OXR1: variants seen among roughly 807,000 people sequenced by gnomAD.
OXR1 encodes the protein oxidation resistance 1.
OXR1 carries 41 observed loss-of-function variants against 104.6 expected under a neutral mutation model. The ratio of observed to expected loss-of-function variants is 0.39; its 90% CI spans 0.31 to 0.51. The LOEUF (loss-of-function observed/expected upper bound fraction) is 0.51. Among genes scored for constraint, OXR1 ranks in the 20% least tolerant of loss-of-function variants. OXR1 has a pLI of 0.77. For synonymous variants in OXR1, 348 were observed against 348.4 expected, an observed-to-expected ratio of 1.00 and a Z score of 0.01; for missense variants, 955 against 1,031.9, an observed-to-expected ratio of 0.93 and a Z score of 1.02.
At chr8:106,497,793 T>TGTGTGTGTGTGTGCACACGC (rs1017276544) in intron 2 of OXR1, among the ~76,000 whole-genome samples, 4 of 145,894 alleles carry the variant, frequency 2.7e-5, no homozygotes, top group African/African-American at 1.1e-4. Flanking sequence ...ACCATATGTG[T>TGTGTGTGTGTGTGCACACGC]GTGTGTGTGT....
At chr8:106,517,016 C>T (rs1244926809) in intron 2 of OXR1, among the ~76,000 whole-genome samples, 1 of 152,056 alleles carries the variant, frequency 6.6e-6, no homozygotes, top group Admixed American at 6.6e-5. Context: ...GAAGTGATTA[C>T]TGTATGGTAA....
chr8:106,722,455 A>T (rs1343843286), intron 11 of OXR1, among the ~76,000 whole-genome samples: 1 of 152,222 alleles, frequency 6.6e-6, no homozygotes, highest in Admixed American at 6.5e-5. Flanking sequence ...TTATTAGTTG[A>T]TAGGTACTGA....
intron 2 of OXR1, among the ~76,000 whole-genome samples, chr8:106,404,533 T>C (rs1360732197): frequency 6.6e-6 from 1 of 152,042 alleles, no homozygotes; most frequent in African/African-American, 2.4e-5. Flanking sequence ...AGAACACACA[T>C]AGAAGACGTT....
chr8:106,704,638 T>C (rs555284462), intron 8 of OXR1, among the ~76,000 whole-genome samples: 1 of 152,140 alleles, frequency 6.6e-6, no homozygotes, highest in South Asian at 2.1e-4. Flanking sequence ...CCTCAAGTGA[T>C]ACACTGGCGT....
At chr8:106,729,428 A>G (rs1322730225) in intron 11 of OXR1, among the ~76,000 whole-genome samples, 3 of 152,068 alleles carry the variant, frequency 2.0e-5, no homozygotes, top group Admixed American at 6.6e-5. Context: ...ATTTCTCATA[A>G]AATGTAAAGT....
At chr8:106,473,837 A>G (rs367855416) in intron 2 of OXR1, among the ~76,000 whole-genome samples, 2 of 149,056 alleles carry the variant, frequency 1.3e-5, no homozygotes, top group Non-Finnish European at 3.0e-5. Context: ...TTTCTTTCAT[A>G]TTCTGTCTAT....
intron 2 of OXR1, among the ~76,000 whole-genome samples, chr8:106,474,567 A>T (rs930233393): frequency 3.3e-5 from 5 of 151,916 alleles, no homozygotes; most frequent in Admixed American, 2.6e-4. Flanking sequence ...TTTGTGACAC[A>T]TGAAAACTAC....
intron 3 of OXR1, among the ~76,000 whole-genome samples, chr8:106,563,841 A>G (rs1428344207): frequency 1.3e-5 from 2 of 152,216 alleles, no homozygotes; most frequent in Non-Finnish European, 2.9e-5. Context: ...AACTCATTCA[A>G]AACCACACAA....
At chr8:106,516,247 C>T (rs1387796512) in intron 2 of OXR1, among the ~76,000 whole-genome samples, 4 of 152,170 alleles carry the variant, frequency 2.6e-5, no homozygotes, top group Non-Finnish European at 5.9e-5. Flanking sequence ...CCCTACTTGG[C>T]TGTCCCATAT....
chr8:106,646,726 A>C (rs576799270), intron 3 of OXR1, among the ~76,000 whole-genome samples: 1 of 152,356 alleles, frequency 6.6e-6, no homozygotes, highest in African/African-American at 2.4e-5. Flanking sequence ...CCTTCTGTAG[A>C]CACACACTCT....
At chr8:106,541,953 T>C (rs1041634431) in intron 3 of OXR1, among the ~76,000 whole-genome samples, 1 of 152,230 alleles carries the variant, frequency 6.6e-6, no homozygotes, top group African/African-American at 2.4e-5. Flanking sequence ...ATCTAACTTA[T>C]GTGTTTTTCA....
rs147771330 is a variant in OXR1, at chr8:106,344,384, C to G, written c.-138-15092C>G. On this transcript the variant is annotated intron_variant, in intron 1 of 16. Coordinates refer to ENST00000517566, the MANE Select transcript of OXR1 (RefSeq NM_001198533.2). ...ACGGTGTCTCGCTCTGTCACTCAAG[C>G]TGGAGAGCAGTGGCACAATCTCGGC... is the stretch of plus-strand genomic sequence containing the variant. 3.9e-3 allele frequency among the ~76,000 whole-genome samples: 599 copies of G among 152,320 alleles called. 5 individuals carry two copies. The highest frequency in any genetic ancestry group is 0.013 in the African/African-American group (554 of 41,550).
In OXR1 at chr8:106,307,010, T is replaced by C. The variant is rs181951122; in HGVS notation, c.-139+36643T>C. Among the ~76,000 whole-genome samples the C allele has an allele frequency of 5.3e-5, 8 of 152,316 alleles. No homozygotes were observed. The East Asian group carries it at 1.2e-3, about 22-fold the overall frequency. On this transcript the variant is annotated intron_variant, in intron 1 of 16. Coordinates refer to ENST00000517566, the MANE Select transcript of OXR1 (RefSeq NM_001198533.2). ...AACTAGAAGCACTTGTAGCTTCACC[T>C]TACCTAGCAGGAGAAGGGGATACCA...
chr8:106,485,649 T>G (rs1363384025), intron 2 of OXR1, among the ~76,000 whole-genome samples: 1 of 152,070 alleles, frequency 6.6e-6, no homozygotes, highest in Admixed American at 6.6e-5. Context: ...GAAATCAGTA[T>G]GTCAAAGAGA....
At chr8:106,518,840 C>A in intron 2 of OXR1, 103 bp from the exon 3 acceptor site, 1 of 745,416 alleles carries the variant, frequency 1.3e-6, no homozygotes, top group Non-Finnish European at 2.1e-6. Context: ...GTGGTTCTAT[C>A]TCAAGGTTAA....
In OXR1 at chr8:106,588,195, G is replaced by A. The variant is rs532494198; in HGVS notation, c.220+69056G>A. ...AGGATGGTCTCGATCTCCTGACCTC[G>A]TGATCCGCCCACCTCGGCCTCCCAA... On this transcript the variant is annotated intron_variant, in intron 3 of 16. Transcript: ENST00000517566. Among the ~76,000 whole-genome samples, 17 of 152,044 alleles carry A rather than the reference G, an allele frequency of 1.1e-4. 3 individuals are homozygous for A. The highest frequency in any genetic ancestry group is 9.8e-4 in the Admixed American group (15 of 15,262).
At chr8:106,397,202 G>A (rs1273878330) in intron 2 of OXR1, among the ~76,000 whole-genome samples, 3 of 151,992 alleles carry the variant, frequency 2.0e-5, no homozygotes, top group Non-Finnish European at 4.4e-5. Flanking sequence ...TTTGGTACTT[G>A]TGCATGCATT....
intron 2 of OXR1, among the ~76,000 whole-genome samples, chr8:106,397,910 T>C (rs547677226): frequency 6.6e-6 from 1 of 152,252 alleles, no homozygotes; most frequent in East Asian, 1.9e-4. Context: ...TCTGTAAGGT[T>C]GGATCCTTCT....
chr8:106,502,145 A>G (rs1203402346), intron 2 of OXR1, among the ~76,000 whole-genome samples: 1 of 152,236 alleles, frequency 6.6e-6, no homozygotes, highest in East Asian at 1.9e-4. Context: ...ACAGGCAGCA[A>G]TAGCTTCATA....
Sources: gnomAD v4.1 joint callset for allele counts (sites outside exome capture counted in the v4.1 genomes callset) on GRCh38, gnomAD v4.1.1 for gene constraint, MANE v1.5 for transcripts, NCBI Gene and HGNC (gene_info 2026-07-23, HGNC 2026-07-21) for gene names.